Variants in ZBTB7C observed in about 807,000 individuals in gnomAD.
The protein encoded by ZBTB7C is zinc finger and BTB domain-containing protein 7C.
In ZBTB7C, 8 loss-of-function variants were observed where a neutral mutation model predicts 25.7. That is an observed-to-expected ratio of 0.31 (90% confidence interval 0.18 to 0.56). ZBTB7C has a LOEUF of 0.56. ZBTB7C is among the 20% of genes least tolerant of loss of function. The pLI, the probability that ZBTB7C is intolerant of heterozygous loss-of-function variation, is 0.91. For missense variants in ZBTB7C, 824 were observed against 855.2 expected (o/e 0.96, Z 0.46); for synonymous variants, 394 against 369.0 (o/e 1.07, Z -0.78).
At chr18:48,348,115 CACA>C (rs775023102) in intron 1 of ZBTB7C, among the ~76,000 whole-genome samples, 3 of 152,222 alleles carry the variant, frequency 2.0e-5, no homozygotes, top group Admixed American at 6.5e-5. Context: ...CTGCAGTCAT[CACA>C]ACAACCCTGC....
chr18:48,130,150 G>T (rs1319849065), intron 3 of ZBTB7C, among the ~76,000 whole-genome samples: 1 of 152,150 alleles, frequency 6.6e-6, no homozygotes, highest in Non-Finnish European at 1.5e-5. Flanking sequence ...CAATCAAGGA[G>T]CCCTGAAATT....
intron 2 of ZBTB7C, among the ~76,000 whole-genome samples, chr18:48,319,335 C>A (rs2046033613): frequency 6.6e-6 from 1 of 152,130 alleles, no homozygotes; most frequent in Admixed American, 6.6e-5. Context: ...GGGTGTGATC[C>A]TGGGCCAGCT....
chr18:48,161,135 G>C (rs2041007209), intron 3 of ZBTB7C, among the ~76,000 whole-genome samples: 1 of 146,712 alleles, frequency 6.8e-6, no homozygotes, highest in Non-Finnish European at 1.5e-5. Context: ...AGGTGGGGGG[G>C]ACCCAGAAGG....
At chr18:48,390,008 T>A (rs1332987189) in intron 1 of ZBTB7C, among the ~76,000 whole-genome samples, 1 of 152,176 alleles carries the variant, frequency 6.6e-6, no homozygotes, top group African/African-American at 2.4e-5. Flanking sequence ...ACCACTGGTG[T>A]CAAATGAAGC....
intron 3 of ZBTB7C, among the ~76,000 whole-genome samples, chr18:48,087,518 C>G (rs915051456): frequency 1.3e-5 from 2 of 152,198 alleles, no homozygotes; most frequent in Admixed American, 6.5e-5. Flanking sequence ...ATGGTAATCA[C>G]TCTTGTGGTA....
chr18:48,251,296 T>C (rs1423588056), intron 2 of ZBTB7C, among the ~76,000 whole-genome samples: 3 of 152,140 alleles, frequency 2.0e-5, no homozygotes. Context: ...TTATAGCATA[T>C]AAAATAGTTG....
chr18:48,199,686 C>A (rs2042392493), intron 2 of ZBTB7C, among the ~76,000 whole-genome samples: 1 of 151,834 alleles, frequency 6.6e-6, no homozygotes, highest in Admixed American at 6.6e-5. Context: ...CTCCTCCTCC[C>A]CTCTCTTTCT....
intron 3 of ZBTB7C, among the ~76,000 whole-genome samples, chr18:48,113,097 T>C (rs2039304566): frequency 6.6e-6 from 1 of 152,234 alleles, no homozygotes; most frequent in Non-Finnish European, 1.5e-5. Flanking sequence ...GTGATATTTC[T>C]TGAGGAATCT....
At chr18:48,226,923 G>A (rs1382481773) in intron 2 of ZBTB7C, among the ~76,000 whole-genome samples, 1 of 151,230 alleles carries the variant, frequency 6.6e-6, no homozygotes, top group Non-Finnish European at 1.5e-5. Context: ...GGGAGGCTGA[G>A]GCAGGAGAAT....
upstream of ZBTB7C, among the ~76,000 whole-genome samples, chr18:48,409,589 C>T (rs1469141769): frequency 1.0e-4 from 15 of 149,984 alleles, no homozygotes; most frequent in African/African-American, 3.4e-4. Context: ...CCCTCCCCGC[C>T]GCGCGGCACA....
chr18:48,397,824 C>G (rs1006621808), intron 1 of ZBTB7C, among the ~76,000 whole-genome samples: 3 of 152,184 alleles, frequency 2.0e-5, no homozygotes, highest in Admixed American at 2.0e-4. Flanking sequence ...TCTTTGAAGG[C>G]AAGACCACGT....
intron 1 of ZBTB7C, among the ~76,000 whole-genome samples, chr18:48,369,762 G>A (rs1348504675): frequency 6.6e-6 from 1 of 152,034 alleles, no homozygotes; most frequent in Non-Finnish European, 1.5e-5. Flanking sequence ...AAACCCAAAA[G>A]AACTAAAAAG....
chr18:48,123,730 A>G (rs1473267786), intron 3 of ZBTB7C, among the ~76,000 whole-genome samples: 1 of 152,246 alleles, frequency 6.6e-6, no homozygotes, highest in Non-Finnish European at 1.5e-5. Flanking sequence ...TTAATTTTGT[A>G]GTTCAGGCTC....
At chr18:48,052,911 T>C (rs931752936) in intron 3 of ZBTB7C, among the ~76,000 whole-genome samples, 11 of 152,168 alleles carry the variant, frequency 7.2e-5, no homozygotes, top group African/African-American at 2.7e-4. Flanking sequence ...TCAGATGTCT[T>C]GGGGCTGCTG....
intron 2 of ZBTB7C, among the ~76,000 whole-genome samples, chr18:48,232,493 C>T (rs2043281112): frequency 6.6e-6 from 1 of 151,964 alleles, no homozygotes; most frequent in Non-Finnish European, 1.5e-5. Flanking sequence ...TCTAGACCAG[C>T]CCATCTGCCA....
At chr18:48,336,921 C>T (rs1353676642) in intron 2 of ZBTB7C, among the ~76,000 whole-genome samples, 1 of 152,124 alleles carries the variant, frequency 6.6e-6, no homozygotes, top group East Asian at 1.9e-4. Context: ...CCTAGCTCAG[C>T]CCCTCCAGTC....
intron 3 of ZBTB7C, among the ~76,000 whole-genome samples, chr18:48,106,576 G>A (rs2039035555): frequency 6.6e-6 from 1 of 152,104 alleles, no homozygotes; most frequent in Admixed American, 6.5e-5. Context: ...GGTAACTTGA[G>A]GGGTGCTGTA....
intron 2 of ZBTB7C, among the ~76,000 whole-genome samples, chr18:48,299,146 T>A (rs2045477361): frequency 6.6e-6 from 1 of 152,066 alleles, no homozygotes; most frequent in Admixed American, 6.5e-5. Flanking sequence ...CATCACTTGG[T>A]AACAGGAATC....
At chr18:48,193,808 G>A (rs1383512837) in intron 2 of ZBTB7C, among the ~76,000 whole-genome samples, 4 of 152,218 alleles carry the variant, frequency 2.6e-5, no homozygotes, top group African/African-American at 9.6e-5. Context: ...GCAGAATGAA[G>A]CCCCTTGGTC....
Sources: gnomAD v4.1 joint callset for allele counts (sites outside exome capture counted in the v4.1 genomes callset) on GRCh38, gnomAD v4.1.1 for gene constraint, MANE v1.5 for transcripts, NCBI Gene and HGNC (gene_info 2026-07-23, HGNC 2026-07-21) for gene names.